The following MARK1 variants were observed in gnomAD, a reference collection of about 807,000 sequenced individuals.
The protein encoded by MARK1 is serine/threonine-protein kinase MARK1.
A neutral mutation model predicts 96.3 loss-of-function variants in MARK1; 40 were observed. The ratio of observed to expected loss-of-function variants is 0.42; its 90% CI spans 0.32 to 0.54. MARK1 has a LOEUF of 0.54. Ranked by LOEUF, MARK1 falls within the 20% of genes least tolerant of loss-of-function variation. The pLI is 0.16. For missense variants in MARK1, 719 were observed against 984.6 expected, an observed-to-expected ratio of 0.73 and a Z score of 3.61; for synonymous variants, 317 against 341.2, an observed-to-expected ratio of 0.93 and a Z score of 0.78.
At chr1:220,611,089 G>A (rs1210700086) in intron 6 of MARK1, among the ~76,000 whole-genome samples, 2 of 152,188 alleles carry the variant, frequency 1.3e-5, no homozygotes, top group African/African-American at 4.8e-5. Flanking sequence ...CATGCTGGGA[G>A]AACCACTGCT....
At chr1:220,637,666 T>C (rs1382817640) in intron 13 of MARK1, among the ~76,000 whole-genome samples, 3 of 150,966 alleles carry the variant, frequency 2.0e-5, no homozygotes, top group Non-Finnish European at 4.4e-5. Flanking sequence ...GCAACAAGAG[T>C]GAAACTCCAT....
rs1300870513 is a variant in MARK1, at chr1:220,528,767, G to A, written c.-56G>A. 2.0e-6 allele frequency: 3 copies of A among 1,518,574 alleles called. No individual in the cohort carries two copies. Among genetic ancestry groups the A allele is most frequent in the Admixed American group, 2.0e-5 (1 of 50,164 alleles). The allele number at this position is 1,518,574 out of a possible 1,614,324, so 94.1% of individuals were successfully genotyped here. ...CACCCCTTTCCTGTCGCCCCCCGGGGCCCGCACCACAGCCCGGCCGGCGAG... is the reference window on the plus strand; with the variant it reads ...CACCCCTTTCCTGTCGCCCCCCGGGACCCGCACCACAGCCCGGCCGGCGAG... On this transcript the variant is annotated 5_prime_UTR_variant, in exon 1 of 18. Transcript: ENST00000366917.
chr1:220,658,140 A>G (rs1345546828), intron 17 of MARK1, among the ~76,000 whole-genome samples: 1 of 152,250 alleles, frequency 6.6e-6, no homozygotes, highest in Non-Finnish European at 1.5e-5. Flanking sequence ...TCACTAAAGT[A>G]ATGTAACTAA....
chr1:220,624,513 G>A (rs775455380), intron 9 of MARK1, among the ~76,000 whole-genome samples: 3 of 149,364 alleles, frequency 2.0e-5, no homozygotes, highest in East Asian at 2.0e-4. Flanking sequence ...CAGGAGAATC[G>A]CTTGAACCTG....
chr1:220,640,080 G>A (rs1225604642), intron 13 of MARK1, among the ~76,000 whole-genome samples: 1 of 152,100 alleles, frequency 6.6e-6, no homozygotes, highest in Non-Finnish European at 1.5e-5. Context: ...TTTTCTTTGA[G>A]GTAATTTTTA....
At chr1:220,547,726 G>A (rs569884596) in intron 1 of MARK1, among the ~76,000 whole-genome samples, 94 of 152,138 alleles carry the variant, frequency 6.2e-4, no homozygotes, top group Admixed American at 1.8e-3. Flanking sequence ...CACCACACCC[G>A]GCTACATTTT....
chr1:220,587,893 G>A (rs1664750653), intron 3 of MARK1, among the ~76,000 whole-genome samples: 1 of 151,912 alleles, frequency 6.6e-6, no homozygotes, highest in African/African-American at 2.4e-5. Flanking sequence ...ATGTATAGAG[G>A]GATGTCTCTC....
At chr1:220,572,962 G>A (rs2102815863) in intron 1 of MARK1, among the ~76,000 whole-genome samples, 1 of 152,250 alleles carries the variant, frequency 6.6e-6, no homozygotes, top group Non-Finnish European at 1.5e-5. Context: ...CTTTAAAAAT[G>A]TTGTCATCTG....
rs1306936884 is a variant in MARK1 at position 220,662,918 on chromosome 1, G to A, written c.*752G>A. 3.3e-5 allele frequency: 5 copies of A among 152,548 alleles called. No individual in the cohort carries two copies. The highest frequency in any genetic ancestry group is 6.5e-5 in the Admixed American group (1 of 15,270). The allele number at this position is 152,548 out of a possible 1,614,324, so 9.4% of individuals were successfully genotyped here. A position where few individuals can be genotyped will look rare whatever the true frequency, so the allele number is the denominator to read the frequency against. On this transcript the variant is annotated 3_prime_UTR_variant, in exon 18 of 18. Transcript: ENST00000366917. Reference sequence around the variant, plus strand: ...TCTTTTGAACTTTGAAGTGTTTTCTGACCCACTGCTAACTGTAGCAACAAA... The same window carrying A: ...TCTTTTGAACTTTGAAGTGTTTTCTAACCCACTGCTAACTGTAGCAACAAA...
At chr1:220,597,657 T>G (rs1376565860) in intron 3 of MARK1, among the ~76,000 whole-genome samples, 1 of 152,204 alleles carries the variant, frequency 6.6e-6, no homozygotes, top group East Asian at 1.9e-4. Context: ...ACAAATTGCT[T>G]TATTTGGAAG....
Position 220,663,914 on chromosome 1 carries a change from C to G in MARK1, c.*1748C>G, listed in dbSNP as rs546755692. The G allele has an allele frequency of 6.6e-6, 1 of 152,638 alleles. No individual in the cohort carries two copies. Among genetic ancestry groups the G allele is most frequent in the East Asian group, 1.9e-4 (1 of 5,184 alleles). 9.5% of individuals were successfully genotyped at this position (152,638 alleles called of 1,614,324 possible). On this transcript the variant is annotated 3_prime_UTR_variant, in exon 18 of 18. Transcript: ENST00000366917. ...CTTGAACAGTTCTCATAATAAAGCA[C>G]TTGTCTTTTGCTCTTTATCAGAATG...
rs114644442 is a variant in MARK1, at chr1:220,567,677, T to G, written c.52-11677T>G. ...ACAGTAATCACAGTAGGTTCTGGTA[T>G]TGAGAATGTGCCAAGCACTGTGTTA... On this transcript the variant is annotated intron_variant, in intron 1 of 17. Transcript: ENST00000366917. Among the ~76,000 whole-genome samples, 445 of 152,318 alleles carry G rather than the reference T, an allele frequency of 2.9e-3. 1 individual carries two copies. Among genetic ancestry groups the G allele is most frequent in the African/African-American group, 0.01 (426 of 41,590 alleles).
intron 16 of MARK1, among the ~76,000 whole-genome samples, chr1:220,655,070 T>G (rs962317436): frequency 6.6e-6 from 1 of 152,230 alleles, no homozygotes; most frequent in African/African-American, 2.4e-5. Context: ...ACTTACTATC[T>G]TGAAACATTC....
chr1:220,629,121 A>C (rs1667524772), intron 9 of MARK1, among the ~76,000 whole-genome samples: 1 of 152,118 alleles, frequency 6.6e-6, no homozygotes, highest in Non-Finnish European at 1.5e-5. Context: ...ATATATGGGA[A>C]GTTATTTTTC....
intron 1 of MARK1, among the ~76,000 whole-genome samples, chr1:220,549,294 A>C (rs1335927053): frequency 6.6e-6 from 1 of 152,184 alleles, no homozygotes; most frequent in East Asian, 1.9e-4. Flanking sequence ...TGTCTACCTT[A>C]TTCAGTTGTT....
chr1:220,609,523 G>C (rs1439013110), intron 6 of MARK1, among the ~76,000 whole-genome samples: 1 of 152,184 alleles, frequency 6.6e-6, no homozygotes, highest in Non-Finnish European at 1.5e-5. Context: ...GCCACTCTGT[G>C]TCTTTTAATT....
intron 13 of MARK1, among the ~76,000 whole-genome samples, chr1:220,644,455 C>A (rs1265347741): frequency 2.8e-5 from 4 of 142,376 alleles, no homozygotes; most frequent in East Asian, 2.2e-4. Flanking sequence ...TTAGACCCCC[C>A]CCCCCCCACA....
At chr1:220,644,057 T>A (rs551706661) in intron 13 of MARK1, among the ~76,000 whole-genome samples, 1 of 152,230 alleles carries the variant, frequency 6.6e-6, no homozygotes, top group East Asian at 1.9e-4. Context: ...AGGATCAAAT[T>A]AACACATAAC....
At chr1:220,621,322 A>T (rs1182194685) in intron 9 of MARK1, among the ~76,000 whole-genome samples, 13 of 151,846 alleles carry the variant, frequency 8.6e-5, no homozygotes, top group African/African-American at 3.1e-4. Context: ...CCCCTTTGGG[A>T]TATATGTTTA....
Sources: gnomAD v4.1 joint callset for allele counts (sites outside exome capture counted in the v4.1 genomes callset) on GRCh38, gnomAD v4.1.1 for gene constraint, MANE v1.5 for transcripts, NCBI Gene and HGNC (gene_info 2026-07-23, HGNC 2026-07-21) for gene names.